PDPK1: variants seen among roughly 807,000 people sequenced by gnomAD.
PDPK1 encodes 3-phosphoinositide dependent protein kinase 1.
A neutral mutation model predicts 39.8 loss-of-function variants in PDPK1; 7 were observed. The observed-to-expected ratio is 0.18, with a 90% CI of 0.10 to 0.33. PDPK1 has a LOEUF of 0.33. Among genes scored for constraint, PDPK1 ranks in the 10% least tolerant of loss-of-function variants. The probability of loss-of-function intolerance (pLI) is 1.00; values close to 1 mark genes in which losing one functional copy is unlikely to be tolerated. For synonymous variants in PDPK1, 118 were observed against 159.1 expected (o/e 0.74, Z 1.95); for missense variants, 182 against 384.7 (o/e 0.47, Z 4.41).
At chr16:2,552,317 G>C (rs935459852) in intron 1 of PDPK1, among the ~76,000 whole-genome samples, 17 of 150,592 alleles carry the variant, frequency 1.1e-4, no homozygotes, top group African/African-American at 4.2e-4. Flanking sequence ...TTCATACCCA[G>C]ACAAGTTAAA....
chr16:2,538,199 C>T, intron 1 of PDPK1, 63 bp downstream of exon 1: 2 of 941,658 alleles, frequency 2.1e-6, no homozygotes, highest in Non-Finnish European at 2.6e-6. Context: ...GGCGGCCGCC[C>T]GGGTCCGGCG....
chr16:2,546,740 C>T (rs910612472), intron 1 of PDPK1, among the ~76,000 whole-genome samples: 1 of 152,144 alleles, frequency 6.6e-6, no homozygotes, highest in African/African-American at 2.4e-5. Context: ...TTTCCTAGGC[C>T]TTGACTTTGC....
chr16:2,587,160 G>C (rs1427529774), intron 11 of PDPK1, among the ~76,000 whole-genome samples: 1 of 152,224 alleles, frequency 6.6e-6, no homozygotes, highest in Admixed American at 6.5e-5. Context: ...CTGTGGTATG[G>C]ACAGACGCGG....
At chr16:2,559,254 C>T (rs1390249588) in intron 2 of PDPK1, among the ~76,000 whole-genome samples, 1 of 147,430 alleles carries the variant, frequency 6.8e-6, no homozygotes, top group African/African-American at 2.6e-5. Context: ...CTCTGTCACC[C>T]AGGCTTGAGT....
chr16:2,587,752 A>T (rs2066906618), intron 11 of PDPK1, among the ~76,000 whole-genome samples: 1 of 152,172 alleles, frequency 6.6e-6, no homozygotes, highest in African/African-American at 2.4e-5. Flanking sequence ...GGATTTTTAA[A>T]AGCCACGTGT....
In PDPK1 at chr16:2,600,198, C is replaced by G. The variant is rs2067189440; in HGVS notation, c.*2431C>G. The G allele has an allele frequency of 1.3e-5, 3 of 233,216 alleles. No homozygotes were observed. The highest frequency in any genetic ancestry group is 6.0e-5 in the East Asian group (1 of 16,594). The allele number at this position is 233,216 out of a possible 1,614,324, so 14.4% of individuals were successfully genotyped here. On this transcript the variant is annotated 3_prime_UTR_variant, in exon 14 of 14. Transcript: ENST00000342085. The stretch of plus-strand genomic sequence containing the variant: ...ACATTCTACGGTAGAACGTGGGGTA[C>G]TGTGTGTGCACATAGACACACTTAC...
At chr16:2,592,850 TTCATTGTCTCTC>T (rs2142003043) in intron 11 of PDPK1, 1 of 456,510 alleles carries the variant, frequency 2.2e-6, no homozygotes, top group African/African-American at 2.0e-5. Context: ...AATTGTCCAT[TTCATTGTCTCTC>T]TCAGGGGATG....
intron 11 of PDPK1, among the ~76,000 whole-genome samples, chr16:2,595,409 CGCGG>C (rs1567170548): frequency 6.6e-6 from 1 of 152,130 alleles, no homozygotes. Context: ...TTGTTGACTC[CGCGG>C]GCAGCCACCT....
rs979803400 is a variant in PDPK1, at chr16:2,597,929, C to A, written c.*162C>A. 1 of 591,800 alleles carries A rather than the reference C, an allele frequency of 1.7e-6. No homozygotes were observed. Among genetic ancestry groups the A allele is most frequent in the Non-Finnish European group, 3.0e-6 (1 of 333,318 alleles). 36.7% of individuals were successfully genotyped at this position (591,800 alleles called of 1,614,324 possible). On this transcript the variant is annotated 3_prime_UTR_variant, in exon 14 of 14. Coordinates refer to ENST00000342085, the MANE Select transcript of PDPK1 (RefSeq NM_002613.5). This position sits in a 1 kb window ranked among gnomAD's most constrained non-coding sequence, Gnocchi z 6.3. ...ATTTAAAAGAAAAGAAGAAAAAAAA[C>A]ACCCAACCACACAAAGAACAAAACC... is the stretch of plus-strand genomic sequence containing the variant.
At chr16:2,591,103 C>T (rs1300355212) in intron 11 of PDPK1, among the ~76,000 whole-genome samples, 1 of 152,134 alleles carries the variant, frequency 6.6e-6, no homozygotes, top group South Asian at 2.1e-4. Flanking sequence ...GCTGGGATTA[C>T]AGGCGTGTAC....
Position 2,597,518 on chromosome 16 carries a change from T to A in PDPK1, c.1555-133T>A, listed in dbSNP as rs547802119. 3.6e-5 allele frequency: 27 copies of A among 752,308 alleles called. No individual in the cohort carries two copies. The highest frequency in any genetic ancestry group is 4.5e-5 in the Non-Finnish European group (19 of 420,108). 46.6% of individuals were successfully genotyped at this position (752,308 alleles called of 1,614,324 possible). A position where few individuals can be genotyped will look rare whatever the true frequency, so the allele number is the denominator to read the frequency against. ...GTCATCAGCCTGTGTAGTTGCTTAC[T>A]GCTTGTGTGAATAACCGTCACACCC... On this transcript the variant is annotated intron_variant, in intron 13 of 13. Coordinates refer to ENST00000342085, the MANE Select transcript of PDPK1 (RefSeq NM_002613.5). This position sits in a 1 kb window ranked among gnomAD's most constrained non-coding sequence, Gnocchi z 6.3.
At position 2,601,178 on chromosome 16, in the gene PDPK1, T is replaced by C. The variant is rs1290326209; in HGVS notation, c.*3411T>C. On this transcript the variant is annotated 3_prime_UTR_variant, in exon 14 of 14. Coordinates refer to ENST00000342085, the MANE Select transcript of PDPK1 (RefSeq NM_002613.5). Reference sequence around the variant, plus strand: ...AAAGAGTTTGTTCATTTTGAAGATATTTCTGTCTCTCTCTCGACCTGATGT... The same window carrying C: ...AAAGAGTTTGTTCATTTTGAAGATACTTCTGTCTCTCTCTCGACCTGATGT... 8.6e-6 allele frequency: 2 copies of C among 233,310 alleles called. No homozygotes were observed. Among genetic ancestry groups the C allele is most frequent in the African/African-American group, 2.2e-5 (1 of 45,312 alleles). The allele number at this position is 233,310 out of a possible 1,614,324, so 14.5% of individuals were successfully genotyped here.
chr16:2,586,661 C>T lies in PDPK1; in HGVS notation c.1126-15C>T, dbSNP rs767124561. The T allele has an allele frequency of 6.2e-7, 1 of 1,612,012 alleles. No homozygotes were observed. Among genetic ancestry groups the T allele is most frequent in the East Asian group, 2.2e-5 (1 of 44,878 alleles). ...AAGTGAAGGTGCGGTTCTCACTTTC[C>T]CTTCTTCTCTGCAGTATGACAATCT... On this transcript the variant is annotated splice_polypyrimidine_tract_variant and intron_variant, in intron 10 of 13. Transcript: ENST00000342085.
At chr16:2,595,438 C>G (rs1319709490) in intron 11 of PDPK1, among the ~76,000 whole-genome samples, 1 of 152,180 alleles carries the variant, frequency 6.6e-6, no homozygotes, top group Non-Finnish European at 1.5e-5. Flanking sequence ...GGAGGCAGTT[C>G]TGCGCCTCAC....
Position 2,599,459 on chromosome 16 carries a change from C to T in PDPK1, c.*1692C>T, listed in dbSNP as rs2067169735. On this transcript the variant is annotated 3_prime_UTR_variant, in exon 14 of 14. Coordinates refer to ENST00000342085, the MANE Select transcript of PDPK1 (RefSeq NM_002613.5). Reference sequence around the variant, plus strand: ...GGGCAGAGATGTTCCCCAGGCCCTGCCTGTGGTTCCTGCCTGGGCCTTGGC... The same window carrying T: ...GGGCAGAGATGTTCCCCAGGCCCTGTCTGTGGTTCCTGCCTGGGCCTTGGC... 2 of 233,122 alleles carry T rather than the reference C, an allele frequency of 8.6e-6. No individual in the cohort carries two copies. The highest frequency in any genetic ancestry group is 1.1e-4 in the Admixed American group (2 of 17,800). 14.4% of individuals were successfully genotyped at this position (233,122 alleles called of 1,614,324 possible).
chr16:2,588,804 T>A (rs1285036776), intron 11 of PDPK1, among the ~76,000 whole-genome samples: 1 of 152,242 alleles, frequency 6.6e-6, no homozygotes, highest in East Asian at 1.9e-4. Flanking sequence ...ATCCCCGAGG[T>A]CAGGGCAGTT....
At chr16:2,552,169 A>G (rs1212224592) in intron 1 of PDPK1, among the ~76,000 whole-genome samples, 1 of 148,710 alleles carries the variant, frequency 6.7e-6, no homozygotes, top group Non-Finnish European at 1.5e-5. Context: ...ATGGGGTTTC[A>G]CTATATTGCA....
intron 11 of PDPK1, among the ~76,000 whole-genome samples, chr16:2,591,571 T>C (rs2142001033): frequency 6.6e-6 from 1 of 152,352 alleles, no homozygotes; most frequent in Middle Eastern, 3.4e-3. Context: ...GACTCCAGTC[T>C]CTAAAAAGGC....
intron 1 of PDPK1, among the ~76,000 whole-genome samples, chr16:2,543,512 C>T (rs2066278067): frequency 7.4e-6 from 1 of 135,304 alleles, no homozygotes; most frequent in Non-Finnish European, 1.6e-5. Flanking sequence ...CACTTTGTTC[C>T]TCCTCTGTGA....
Sources: gnomAD v4.1 joint callset for allele counts (sites outside exome capture counted in the v4.1 genomes callset) on GRCh38, gnomAD v4.1.1 for gene constraint, Gnocchi (gnomAD v3.1) non-coding constraint, MANE v1.5 for transcripts, NCBI Gene and HGNC (gene_info 2026-07-23, HGNC 2026-07-21) for gene names.